PTPRM: variants seen among roughly 807,000 people sequenced by gnomAD.
The protein encoded by PTPRM is protein tyrosine phosphatase receptor type M.
PTPRM carries 47 observed loss-of-function variants against 186.7 expected under a neutral mutation model. The observed-to-expected ratio is 0.25, with a 90% CI of 0.20 to 0.32. The LOEUF (loss-of-function observed/expected upper bound fraction) is 0.32. Among genes scored for constraint, PTPRM ranks in the 10% least tolerant of loss-of-function variants. PTPRM has a pLI of 1.00. For synonymous variants in PTPRM, 668 were observed against 674.9 expected (o/e 0.99, Z 0.16); for missense variants, 1,494 against 1,865.0 (o/e 0.80, Z 3.66).
At chr18:8,318,908 A>T (rs2095327978) in intron 21 of PTPRM, among the ~76,000 whole-genome samples, 2 of 152,250 alleles carry the variant, frequency 1.3e-5, no homozygotes, top group Admixed American at 1.3e-4. Flanking sequence ...CAGAGAATCC[A>T]TAAGTTGTTA....
intron 14 of PTPRM, among the ~76,000 whole-genome samples, chr18:8,221,035 G>A (rs1224720113): frequency 2.0e-5 from 3 of 152,174 alleles, no homozygotes; most frequent in African/African-American, 7.2e-5. Context: ...AAAAATAGAG[G>A]CACTTGATAC....
chr18:8,268,818 A>T (rs1419450085), intron 19 of PTPRM, among the ~76,000 whole-genome samples: 1 of 152,108 alleles, frequency 6.6e-6, no homozygotes, highest in Non-Finnish European at 1.5e-5. Context: ...AATGAAGCAT[A>T]TAAATTATAT....
At chr18:7,679,987 TC>T (rs2039443462) in intron 1 of PTPRM, among the ~76,000 whole-genome samples, 1 of 152,152 alleles carries the variant, frequency 6.6e-6, no homozygotes, top group Admixed American at 6.5e-5. Context: ...CACCTCAGTC[TC>T]CCAAGTAGCT....
At chr18:8,211,049 T>G (rs1173348262) in intron 14 of PTPRM, among the ~76,000 whole-genome samples, 1 of 152,134 alleles carries the variant, frequency 6.6e-6, no homozygotes, top group Non-Finnish European at 1.5e-5. Context: ...TCCACACTCA[T>G]CGATTCAGAT....
chr18:8,158,724 C>T (rs2093171223), intron 14 of PTPRM, among the ~76,000 whole-genome samples: 1 of 152,172 alleles, frequency 6.6e-6, no homozygotes, highest in Non-Finnish European at 1.5e-5. Context: ...TGTTCAGCTT[C>T]TGGTGAGGCC....
At chr18:8,315,135 C>T (rs1354082006) in intron 21 of PTPRM, among the ~76,000 whole-genome samples, 1 of 152,190 alleles carries the variant, frequency 6.6e-6, no homozygotes, top group Non-Finnish European at 1.5e-5. Context: ...GTAGCCCATT[C>T]GTTGGTGAAT....
chr18:7,926,747 G>C, intron 5 of PTPRM, 64 bp downstream of exon 5: 1 of 1,198,958 alleles, frequency 8.3e-7, no homozygotes, highest in Non-Finnish European at 1.2e-6. Context: ...CCCCCTGGAG[G>C]AGGAACCCAG....
intron 7 of PTPRM, among the ~76,000 whole-genome samples, chr18:7,972,804 T>G (rs2054653042): frequency 6.6e-6 from 1 of 152,164 alleles, no homozygotes; most frequent in South Asian, 2.1e-4. Context: ...GATTCCCTCC[T>G]CTTTCAGTCC....
At chr18:8,260,546 C>G (rs1274649340) in intron 19 of PTPRM, among the ~76,000 whole-genome samples, 1 of 152,144 alleles carries the variant, frequency 6.6e-6, no homozygotes, top group Non-Finnish European at 1.5e-5. Flanking sequence ...ATGGCACCAA[C>G]CCATTCATGA....
intron 13 of PTPRM, among the ~76,000 whole-genome samples, chr18:8,138,216 T>TCCC (rs11442236): frequency 3.3e-5 from 5 of 149,954 alleles, no homozygotes; most frequent in East Asian, 2.0e-4. Context: ...TTTTTTTTTT[T>TCCC]CCCTCCTCTT....
intron 7 of PTPRM, among the ~76,000 whole-genome samples, chr18:8,032,326 A>C (rs1372236624): frequency 6.6e-6 from 1 of 152,178 alleles, no homozygotes; most frequent in African/African-American, 2.4e-5. Flanking sequence ...ATAAAACTTC[A>C]TAATACTCCC....
intron 2 of PTPRM, among the ~76,000 whole-genome samples, chr18:7,793,654 T>C (rs1315279641): frequency 6.6e-6 from 1 of 151,984 alleles, no homozygotes; most frequent in African/African-American, 2.4e-5. Context: ...ATGGGGAGGA[T>C]TATTGATATG....
intron 2 of PTPRM, among the ~76,000 whole-genome samples, chr18:7,797,523 T>C (rs2043725379): frequency 6.6e-6 from 1 of 152,248 alleles, no homozygotes. Context: ...CAGTTGAAGA[T>C]GACAATGTTG....
chr18:7,621,178 G>T (rs1045503906), intron 1 of PTPRM, among the ~76,000 whole-genome samples: 2 of 152,148 alleles, frequency 1.3e-5, no homozygotes, highest in Non-Finnish European at 2.9e-5. Flanking sequence ...AGGCAGTAGA[G>T]GCACAGAGAG....
chr18:8,268,457 G>T (rs930769474), intron 19 of PTPRM, among the ~76,000 whole-genome samples: 1 of 152,048 alleles, frequency 6.6e-6, no homozygotes, highest in Admixed American at 6.6e-5. Context: ...ACAAAGAAAA[G>T]TTCATGTCCA....
chr18:7,711,278 G>A (rs766957815), intron 1 of PTPRM, among the ~76,000 whole-genome samples: 7 of 152,152 alleles, frequency 4.6e-5, no homozygotes, highest in South Asian at 4.1e-4. Flanking sequence ...GGACTGTGCC[G>A]TGAGGGACGG....
chr18:8,339,982 C>CA (rs138151785), intron 22 of PTPRM, among the ~76,000 whole-genome samples: 1,812 of 147,608 alleles, frequency 0.012, 40 homozygotes, highest in African/African-American at 0.041. Flanking sequence ...TTTCTACCCT[C>CA]AAAAAAAAAA....
chr18:7,648,244 G>T (rs577165704), intron 1 of PTPRM, among the ~76,000 whole-genome samples: 1 of 152,228 alleles, frequency 6.6e-6, no homozygotes, highest in South Asian at 2.1e-4. Context: ...ATAAATGTGT[G>T]CTTTTCACTC....
chr18:8,150,310 T>C (rs985652148), intron 14 of PTPRM, among the ~76,000 whole-genome samples: 1 of 152,234 alleles, frequency 6.6e-6, no homozygotes, highest in East Asian at 1.9e-4. Flanking sequence ...TCTTTTCACA[T>C]AGTCCCATAT....
Sources: gnomAD v4.1 joint callset for allele counts (sites outside exome capture counted in the v4.1 genomes callset) on GRCh38, gnomAD v4.1.1 for gene constraint, MANE v1.5 for transcripts, NCBI Gene and HGNC (gene_info 2026-07-23, HGNC 2026-07-21) for gene names.